MARCHF7: variants seen among roughly 807,000 people sequenced by gnomAD.
MARCHF7 encodes the protein membrane associated ring-CH-type finger 7.
In MARCHF7, 20 loss-of-function variants were observed where a neutral mutation model predicts 76.5. The observed-to-expected ratio is 0.26, with a 90% CI of 0.18 to 0.38. The LOEUF is 0.38. MARCHF7 is among the 10% of genes least tolerant of loss of function. The probability of loss-of-function intolerance (pLI) is 1.00; values close to 1 mark genes in which losing one functional copy is unlikely to be tolerated. For missense variants in MARCHF7, 797 were observed against 812.9 expected (o/e 0.98, Z 0.24); for synonymous variants, 295 against 293.0 (o/e 1.01, Z -0.07).
intron 4 of MARCHF7, among the ~76,000 whole-genome samples, chr2:159,742,678 A>G (rs982176754): frequency 6.6e-6 from 1 of 152,150 alleles, no homozygotes; most frequent in Non-Finnish European, 1.5e-5. Context: ...CCAGGCACAG[A>G]GGCTCGTGCC....
chr2:159,755,780 A>G (rs187224920), intron 8 of MARCHF7, among the ~76,000 whole-genome samples: 227 of 152,292 alleles, frequency 1.5e-3, no homozygotes, highest in Non-Finnish European at 2.6e-3. Context: ...ATAGACAACT[A>G]TGTTGTGAGG....
In MARCHF7 at chr2:159,752,499, A is replaced by G; in HGVS notation, c.1711A>G (p.Lys571Glu). 1 of 1,605,122 alleles carries G rather than the reference A, an allele frequency of 6.2e-7. No individual in the cohort carries two copies. Among genetic ancestry groups the G allele is most frequent in the Non-Finnish European group, 8.5e-7 (1 of 1,176,452 alleles). Residue 571 changes from lysine to glutamate, a missense_variant, in exon 8 of 12, where the codon AAG (lysine) becomes GAG (glutamate). Physicochemically the swap from Lys to Glu is moderately conservative, Grantham distance 56. Around this residue, in one of 3 missense-constraint regions of MARCHF7, gnomAD observed 30 missense variants for 60.1 expected, o/e 0.50. Coordinates refer to ENST00000409175, the MANE Select transcript of MARCHF7 (RefSeq NM_001282805.2). ...ATCTAATTTGCTGATAGAGCCATGC[A>G]AGTGCACAGGAAGTTTGCAGTATGT... ...SSSNLLIEPC[K>E]CTGSLQYVHQ... is the part of the protein sequence containing the mutation.
intron 4 of MARCHF7, among the ~76,000 whole-genome samples, chr2:159,737,640 T>G (rs1023971809): frequency 2.6e-5 from 4 of 152,076 alleles, no homozygotes; most frequent in Admixed American, 2.0e-4. Context: ...ATTTAAAAAT[T>G]AGCTGTGCAT....
rs1219757458 is a variant in MARCHF7, at chr2:159,714,580, C to G, written c.-119C>G. On this transcript the variant is annotated 5_prime_UTR_variant, in exon 2 of 12. Coordinates refer to ENST00000409175, the MANE Select transcript of MARCHF7 (RefSeq NM_001282805.2). ...AGGAATTCATGATTTGTTCCTGTAG[C>G]TGAAACATACATTGAATGGTAAGTT... is the stretch of plus-strand genomic sequence containing the variant. 1 of 152,142 alleles carries G rather than the reference C, an allele frequency of 6.6e-6. No individual in the cohort carries two copies. The highest frequency in any genetic ancestry group is 6.5e-5 in the Admixed American group (1 of 15,272). 9.4% of individuals were successfully genotyped at this position (152,142 alleles called of 1,614,324 possible). A position where few individuals can be genotyped will look rare whatever the true frequency, so the allele number is the denominator to read the frequency against.
intron 4 of MARCHF7, chr2:159,733,701 T>G: frequency 1.0e-6 from 1 of 985,418 alleles, no homozygotes; most frequent in Non-Finnish European, 1.2e-6. Flanking sequence ...TGTTATAGAC[T>G]TAATATGGGA....
At position 159,765,207 on chromosome 2, in the gene MARCHF7, T is replaced by G. The variant is rs572093423; in HGVS notation, c.2056+533T>G. ...TGTTGTTGGTGGTGGTGGTAGTGGGTTTTTTTTTGGCTTTTTGTAGGTCCT... is the reference window on the plus strand; with the variant it reads ...TGTTGTTGGTGGTGGTGGTAGTGGGGTTTTTTTTGGCTTTTTGTAGGTCCT... On this transcript the variant is annotated intron_variant, in intron 11 of 11. Transcript: ENST00000409175. Among the ~76,000 whole-genome samples, 91 of 64,972 alleles carry G rather than the reference T, an allele frequency of 1.4e-3. No homozygotes were observed. The East Asian group carries it at 0.019, about 13-fold the overall frequency. 42.6% of individuals were successfully genotyped at this position (64,972 alleles called of 152,430 possible).
chr2:159,761,728 C>G (rs1054883748), intron 9 of MARCHF7, among the ~76,000 whole-genome samples: 1 of 152,116 alleles, frequency 6.6e-6, no homozygotes, highest in Admixed American at 6.6e-5. Flanking sequence ...TTCTTGAATA[C>G]TCAGTAGACT....
intron 3 of MARCHF7, among the ~76,000 whole-genome samples, chr2:159,719,737 GGT>G (rs932779731): frequency 6.6e-6 from 1 of 152,048 alleles, no homozygotes; most frequent in African/African-American, 2.4e-5. Context: ...TTTATCTCTT[GGT>G]AATGGGGTGA....
chr2:159,765,900 G>A (rs554326531), intron 11 of MARCHF7, among the ~76,000 whole-genome samples: 1 of 152,126 alleles, frequency 6.6e-6, no homozygotes, highest in East Asian at 1.9e-4. Flanking sequence ...TAATACAAAG[G>A]TCTCTTCTTT....
chr2:159,733,943 A>C, intron 4 of MARCHF7: 1 of 1,255,740 alleles, frequency 8.0e-7, no homozygotes, highest in Non-Finnish European at 1.0e-6. Flanking sequence ...TGATTTCCTA[A>C]ATATCTTTCA....
At position 159,744,849 on chromosome 2, in the gene MARCHF7, A is replaced by C. The variant is rs577044798; in HGVS notation, c.347-921A>C. On this transcript the variant is annotated intron_variant, in intron 5 of 11. Coordinates refer to ENST00000409175, the MANE Select transcript of MARCHF7 (RefSeq NM_001282805.2). ...AGGCTACTAAGATTAGGGAAGAAAG[A>C]ATCAAAATTTCAAGGTAAATAGTGA... Among the ~76,000 whole-genome samples the C allele has an allele frequency of 2.0e-5, 3 of 152,254 alleles. No homozygotes were observed. In the South Asian group the frequency reaches 6.2e-4, roughly 32 times the overall value.
At position 159,743,749 on chromosome 2, in the gene MARCHF7, A is replaced by G. The variant is rs189907112; in HGVS notation, c.346+496A>G. ...ACCCTGTTTCTACCAAAAAAAAAAA[A>G]AGAGAGAATTAGCTGGGCATGGTGG... is the stretch of plus-strand genomic sequence containing the variant. On this transcript the variant is annotated intron_variant, in intron 5 of 11. Coordinates refer to ENST00000409175, the MANE Select transcript of MARCHF7 (RefSeq NM_001282805.2). Among the ~76,000 whole-genome samples the G allele has an allele frequency of 9.4e-4, 142 of 150,348 alleles. 3 individuals are homozygous for G. The highest frequency in any genetic ancestry group is 7.9e-3 in the South Asian group (38 of 4,790).
Position 159,748,514 on chromosome 2 carries a change from A to C in MARCHF7, c.1224A>C (p.Glu408Asp), listed in dbSNP as rs1705177479. The C allele has an allele frequency of 1.9e-6, 3 of 1,614,026 alleles. No individual in the cohort carries two copies. Among genetic ancestry groups the C allele is most frequent in the African/African-American group, 2.7e-5 (2 of 74,942 alleles). ...FSRRRREGRD[E>D]SSRIPTSDTS... ...GAAGGAGGCGAGAGGGAAGAGATGA[A>C]TCTTCAAGGATACCTACCTCTGATA... Residue 408 changes from glutamate to aspartate, a missense_variant, in exon 7 of 12, where the codon GAA becomes GAC. Physicochemically the swap from Glu to Asp is conservative, Grantham distance 45 (BLOSUM62 2). Coordinates refer to ENST00000409175, the MANE Select transcript of MARCHF7 (RefSeq NM_001282805.2).
At chr2:159,762,535 A>C (rs1035004980) in intron 9 of MARCHF7, among the ~76,000 whole-genome samples, 1 of 152,228 alleles carries the variant, frequency 6.6e-6, no homozygotes, top group Admixed American at 6.5e-5. Context: ...CTATAGATGA[A>C]ATGTAATTTT....
At chr2:159,727,496 G>A (rs1259554861) in intron 3 of MARCHF7, among the ~76,000 whole-genome samples, 1 of 152,198 alleles carries the variant, frequency 6.6e-6, no homozygotes, top group African/African-American at 2.4e-5. Context: ...GCTGAGGCGG[G>A]ACAATGGCGT....
rs1707953973 is a variant in MARCHF7, at chr2:159,767,677, T to C, written c.*335T>C. The stretch of plus-strand genomic sequence containing the variant: ...TTTTGTGTTATGATTACTGTAGTCA[T>C]ATTTATGAAAAAAGGTTTGTGTTTT... On this transcript the variant is annotated 3_prime_UTR_variant, in exon 12 of 12. Transcript: ENST00000409175. The C allele has an allele frequency of 6.0e-6, 1 of 165,768 alleles. No homozygotes were observed. The highest frequency in any genetic ancestry group is 1.3e-5 in the Non-Finnish European group (1 of 77,066). The allele number at this position is 165,768 out of a possible 1,614,324, so 10.3% of individuals were successfully genotyped here.
chr2:159,727,787 TG>T (rs939082851), intron 3 of MARCHF7, among the ~76,000 whole-genome samples: 24 of 152,278 alleles, frequency 1.6e-4, no homozygotes, highest in African/African-American at 5.5e-4. Flanking sequence ...ACAAATATAG[TG>T]TTGAGCAAAT....
At chr2:159,722,494 G>T (rs989528972) in intron 3 of MARCHF7, among the ~76,000 whole-genome samples, 1 of 152,142 alleles carries the variant, frequency 6.6e-6, no homozygotes, top group Non-Finnish European at 1.5e-5. Flanking sequence ...TGTGTAGTTT[G>T]TTCCATATTA....
intron 6 of MARCHF7, 24 bp downstream of exon 6, chr2:159,745,961 T>C: frequency 6.3e-7 from 1 of 1,580,226 alleles, no homozygotes; most frequent in East Asian, 2.3e-5. Context: ...ACATCAAGTA[T>C]AACTTCTCAT....
Sources: allele counts gnomAD v4.1 joint callset (sites outside exome capture counted in the v4.1 genomes callset), GRCh38; gene constraint gnomAD v4.1.1; regional missense constraint gnomAD v4.1.1; transcripts MANE v1.5; gene names NCBI Gene and HGNC (gene_info 2026-07-23, HGNC 2026-07-21).